Variants in CTTNBP2 observed in about 807,000 individuals in gnomAD.
The protein encoded by CTTNBP2 is cortactin-binding protein 2.
Under a neutral mutation model 156.9 loss-of-function variants are expected in CTTNBP2, and 108 were observed. The observed-to-expected ratio is 0.69, with a 90% CI of 0.59 to 0.81. CTTNBP2 has a LOEUF of 0.81. Ranked by LOEUF, CTTNBP2 falls within the 30% of genes least tolerant of loss-of-function variation. The pLI is 0.00. For synonymous variants in CTTNBP2, 767 were observed against 751.8 expected (o/e 1.02, Z -0.33); for missense variants, 1,924 against 2,035.4 (o/e 0.95, Z 1.05).
Position 117,724,692 on chromosome 7 carries a change from G to A in CTTNBP2, c.4302C>T (p.Phe1434=), listed in dbSNP as rs765641553. The A allele has an allele frequency of 6.2e-7, 1 of 1,614,172 alleles. No individual in the cohort carries two copies. The highest frequency in any genetic ancestry group is 1.7e-5 in the Admixed American group (1 of 60,012). Residue 1434 remains phenylalanine, a synonymous_variant, in exon 19 of 23, where the codon TTC becomes TTT. Transcript: ENST00000160373. ...TATAACTGGAAACTATGGATAAAGG[G>A]AAACTTCCTCCTTTGAAATCAGCTG... The part of the protein sequence containing the change: ...QHTADFKGGS[F]PLSIVSSYNT...
intron 8 of CTTNBP2, among the ~76,000 whole-genome samples, chr7:117,775,211 C>T (rs1798025886): frequency 6.6e-6 from 1 of 152,076 alleles, no homozygotes; most frequent in Non-Finnish European, 1.5e-5. Context: ...AATAGCCTAG[C>T]AGTGTGTGAA....
chr7:117,772,513 T>C (rs1483242127), intron 8 of CTTNBP2, among the ~76,000 whole-genome samples: 1 of 152,046 alleles, frequency 6.6e-6, no homozygotes, highest in African/African-American at 2.4e-5. Context: ...GAAGCAAAAA[T>C]GAATGTGGTC....
At chr7:117,765,393 C>A (rs1435609282) in intron 9 of CTTNBP2, among the ~76,000 whole-genome samples, 2 of 152,174 alleles carry the variant, frequency 1.3e-5, no homozygotes, top group African/African-American at 2.4e-5. Context: ...CTCTTTTGCA[C>A]TCAGGTATAC....
At chr7:117,844,747 T>A (rs561867059) in intron 2 of CTTNBP2, among the ~76,000 whole-genome samples, 1 of 152,246 alleles carries the variant, frequency 6.6e-6, no homozygotes, top group South Asian at 2.1e-4. Flanking sequence ...GACTCAAGCC[T>A]CAGAGATGGA....
intron 20 of CTTNBP2, among the ~76,000 whole-genome samples, 195 bp downstream of exon 20, chr7:117,720,872 G>A (rs35297670): frequency 5.3e-5 from 8 of 152,120 alleles, no homozygotes; most frequent in Non-Finnish European, 8.8e-5. Context: ...TAATCTTAAC[G>A]AACAATTTAG....
intron 3 of CTTNBP2, among the ~76,000 whole-genome samples, chr7:117,806,818 G>A (rs1799980485): frequency 7.0e-6 from 1 of 143,230 alleles, no homozygotes; most frequent in Non-Finnish European, 1.5e-5. Flanking sequence ...GAGTGCAATT[G>A]TGCGATCTCG....
chr7:117,725,970 T>G (rs1321383473), intron 17 of CTTNBP2, among the ~76,000 whole-genome samples: 1 of 152,196 alleles, frequency 6.6e-6, no homozygotes, highest in Non-Finnish European at 1.5e-5. Flanking sequence ...ATTGCAGGCA[T>G]GAGCCACCGC....
At chr7:117,822,225 T>C (rs566037664) in intron 2 of CTTNBP2, among the ~76,000 whole-genome samples, 2 of 75,032 alleles carry the variant, frequency 2.7e-5, no homozygotes, top group East Asian at 8.5e-4. Context: ...GAATCTATAA[T>C]GCTAATCCCC....
At chr7:117,715,540 C>T (rs1334049889) in intron 22 of CTTNBP2, among the ~76,000 whole-genome samples, 1 of 148,534 alleles carries the variant, frequency 6.7e-6, no homozygotes, top group African/African-American at 2.5e-5. Context: ...GTGAACTTGT[C>T]CTTTCAGAGG....
intron 3 of CTTNBP2, among the ~76,000 whole-genome samples, chr7:117,804,929 C>T (rs993395030): frequency 6.6e-6 from 1 of 152,152 alleles, no homozygotes; most frequent in Non-Finnish European, 1.5e-5. Context: ...TAAAAAATTT[C>T]CTGCATGTTC....
intron 1 of CTTNBP2, among the ~76,000 whole-genome samples, chr7:117,864,122 T>C (rs1422750161): frequency 6.6e-6 from 1 of 152,172 alleles, no homozygotes; most frequent in African/African-American, 2.4e-5. Flanking sequence ...CCTGCTTCCA[T>C]CAGTAGCAGC....
At chr7:117,831,495 C>A (rs13224934) in intron 2 of CTTNBP2, among the ~76,000 whole-genome samples, 1 of 151,764 alleles carries the variant, frequency 6.6e-6, no homozygotes, top group Non-Finnish European at 1.5e-5. Context: ...AGGGTAGGCT[C>A]CTTCTTGCCA....
At chr7:117,814,302 G>GT (rs534616629) in intron 2 of CTTNBP2, among the ~76,000 whole-genome samples, 12 of 146,146 alleles carry the variant, frequency 8.2e-5, no homozygotes, top group African/African-American at 2.3e-4. Context: ...TTTTTGTTGT[G>GT]TTTTTTTATT....
intron 12 of CTTNBP2, among the ~76,000 whole-genome samples, chr7:117,746,879 G>A (rs77675502): frequency 1.3e-5 from 2 of 152,184 alleles, no homozygotes; most frequent in Admixed American, 1.3e-4. Context: ...CTTTATCCTC[G>A]TGTATAAGGA....
chr7:117,832,560 A>G (rs895325932), intron 2 of CTTNBP2, among the ~76,000 whole-genome samples: 3 of 150,686 alleles, frequency 2.0e-5, no homozygotes, highest in Non-Finnish European at 4.4e-5. Context: ...ACTACCACTC[A>G]TCTCCTCCTT....
At position 117,725,226 on chromosome 7, in the gene CTTNBP2, C is replaced by T. The variant is rs751397467; in HGVS notation, c.4087G>A (p.Ala1363Thr). 15 of 1,614,058 alleles carry T rather than the reference C, an allele frequency of 9.3e-6. No individual in the cohort carries two copies. Among genetic ancestry groups the T allele is most frequent in the Middle Eastern group, 3.3e-4 (2 of 6,026 alleles). ...WMSKLWNGVI[A>T]PRVQEAILSR... is the part of the protein sequence containing the mutation. ...AATATTGCTTCTTGAACTCTGGGTGCGATGACGCCATTCCACAGCTTAGAC... is the reference window on the plus strand; with the variant it reads ...AATATTGCTTCTTGAACTCTGGGTGTGATGACGCCATTCCACAGCTTAGAC... Residue 1363 changes from alanine to threonine, a missense_variant, in exon 18 of 23, where the codon GCA (alanine) becomes ACA (threonine). Physicochemically the swap from Ala to Thr is moderately conservative, Grantham distance 58 (BLOSUM62 0). Transcript: ENST00000160373.
At chr7:117,760,774 T>C (rs1797167893) in intron 9 of CTTNBP2, 64 bp from the exon 10 acceptor site, 3 of 1,084,696 alleles carry the variant, frequency 2.8e-6, no homozygotes, top group East Asian at 2.4e-5. Flanking sequence ...AGTAAAACTA[T>C]TACATAAAAT....
In CTTNBP2 at chr7:117,780,003, G is replaced by A. The variant is rs796154811; in HGVS notation, c.2523+438C>T. On this transcript the variant is annotated intron_variant, in intron 7 of 22. Coordinates refer to ENST00000160373, the MANE Select transcript of CTTNBP2 (RefSeq NM_033427.3). ...TTGAATTCCTGACCTCAGGTGATCC[G>A]CCCATCTCAGCCTCCCAAAGTGCTG... is the stretch of plus-strand genomic sequence containing the variant. 3.3e-5 allele frequency among the ~76,000 whole-genome samples: 5 copies of A among 152,066 alleles called. No individual in the cohort carries two copies. In the East Asian group the frequency reaches 7.8e-4, roughly 24 times the overall value.
chr7:117,848,709 G>A (rs1802753341), intron 2 of CTTNBP2, among the ~76,000 whole-genome samples: 1 of 152,118 alleles, frequency 6.6e-6, no homozygotes. Flanking sequence ...CTCAGCTTCT[G>A]GTTTATGTAC....
Sources: gnomAD v4.1 joint callset for allele counts (sites outside exome capture counted in the v4.1 genomes callset) on GRCh38, gnomAD v4.1.1 for gene constraint, MANE v1.5 for transcripts, NCBI Gene and HGNC (gene_info 2026-07-23, HGNC 2026-07-21) for gene names.